The following BTC variants were observed in gnomAD, a reference collection of about 807,000 sequenced individuals.
The protein encoded by BTC is betacellulin.
A neutral mutation model predicts 18.1 loss-of-function variants in BTC; 13 were observed. The ratio of observed to expected loss-of-function variants is 0.72; its 90% CI spans 0.47 to 1.14. The LOEUF is 1.14. Among genes scored for constraint, BTC ranks in the 50% most tolerant of loss-of-function variants. The pLI is 0.00. For synonymous variants in BTC, 83 were observed against 79.4 expected (o/e 1.05, Z -0.24); for missense variants, 247 against 224.2 (o/e 1.10, Z -0.65).
intron 2 of BTC, among the ~76,000 whole-genome samples, chr4:74,762,329 C>T (rs1724782671): frequency 1.3e-5 from 2 of 152,178 alleles, no homozygotes; most frequent in Non-Finnish European, 2.9e-5. Context: ...ACTTTGTTTA[C>T]TGTGTGATCT....
At chr4:74,748,931 C>T (rs1553955781) in intron 4 of BTC, among the ~76,000 whole-genome samples, 1 of 152,202 alleles carries the variant, frequency 6.6e-6, no homozygotes, top group African/African-American at 2.4e-5. Flanking sequence ...CTTTGCCCAA[C>T]TGATTCTCTG....
chr4:74,752,685 C>T (rs879957958), intron 3 of BTC, among the ~76,000 whole-genome samples: 1 of 151,970 alleles, frequency 6.6e-6, no homozygotes, highest in African/African-American at 2.4e-5. Context: ...GGCCGGGAAT[C>T]ACTTTTAATT....
chr4:74,780,730 G>A (rs1268935904), intron 1 of BTC, among the ~76,000 whole-genome samples: 1 of 152,030 alleles, frequency 6.6e-6, no homozygotes, highest in East Asian at 1.9e-4. Context: ...CTGGGGCATA[G>A]GATTGGTGCT....
intron 1 of BTC, among the ~76,000 whole-genome samples, chr4:74,784,900 T>C (rs1020078902): frequency 6.6e-6 from 1 of 152,162 alleles, no homozygotes; most frequent in Non-Finnish European, 1.5e-5. Flanking sequence ...GGTTTTTGTA[T>C]CTCTGCCAGG....
chr4:74,766,284 T>C (rs1724901004), intron 2 of BTC, among the ~76,000 whole-genome samples: 1 of 152,080 alleles, frequency 6.6e-6, no homozygotes. Context: ...AAATTCTTTC[T>C]TCAATAATTA....
Position 74,766,809 on chromosome 4 carries a change from A to G in BTC, c.163+3249T>C, listed in dbSNP as rs1387556215. On this transcript the variant is annotated intron_variant, in intron 2 of 5. Transcript: ENST00000395743. The stretch of plus-strand genomic sequence containing the variant: ...TTAAACAAAGACATTATAAGAAAAG[A>G]AAACTACAGGGCAATGTCCTTAATT... 3.3e-5 allele frequency among the ~76,000 whole-genome samples: 5 copies of G among 152,096 alleles called. No individual in the cohort carries two copies. The East Asian group carries it at 9.6e-4, about 29-fold the overall frequency.
chr4:74,773,659 T>G (rs553631800), intron 1 of BTC, among the ~76,000 whole-genome samples: 29 of 151,382 alleles, frequency 1.9e-4, no homozygotes, highest in Non-Finnish European at 3.2e-4. Context: ...TTGCCCAGGA[T>G]AGAGGGCAGT....
intron 5 of BTC, among the ~76,000 whole-genome samples, chr4:74,747,022 G>A (rs1724309793): frequency 6.6e-6 from 1 of 152,208 alleles, no homozygotes; most frequent in South Asian, 2.1e-4. Context: ...AGCAGAAAGA[G>A]GGAAATAATC....
intron 1 of BTC, among the ~76,000 whole-genome samples, chr4:74,790,414 G>A (rs1359863467): frequency 6.6e-6 from 1 of 152,128 alleles, no homozygotes; most frequent in Non-Finnish European, 1.5e-5. Context: ...TAAGAGACTT[G>A]CCCGAAGTTT....
At chr4:74,767,556 C>A (rs1365972105) in intron 2 of BTC, among the ~76,000 whole-genome samples, 3 of 150,706 alleles carry the variant, frequency 2.0e-5, no homozygotes, top group South Asian at 4.2e-4. Flanking sequence ...TTTTTTTTTA[C>A]AGAAATGGAA....
chr4:74,755,742 A>G (rs1724578917), intron 3 of BTC, 117 bp downstream of exon 3: 1 of 946,278 alleles, frequency 1.1e-6, no homozygotes, highest in African/African-American at 1.6e-5. Flanking sequence ...GGGCAGGACC[A>G]GGCAGAACTG....
chr4:74,792,014 A>C (rs1725646910), intron 1 of BTC, among the ~76,000 whole-genome samples: 1 of 144,718 alleles, frequency 6.9e-6, no homozygotes. Context: ...CACAAACACT[A>C]GTGTCTCATG....
At chr4:74,784,415 T>C (rs1217248516) in intron 1 of BTC, among the ~76,000 whole-genome samples, 1 of 152,138 alleles carries the variant, frequency 6.6e-6, no homozygotes, top group Non-Finnish European at 1.5e-5. Context: ...CCTACTTACA[T>C]ACTCTTTATT....
chr4:74,755,643 G>A (rs1724576581), intron 3 of BTC, among the ~76,000 whole-genome samples: 1 of 152,192 alleles, frequency 6.6e-6, no homozygotes, highest in Non-Finnish European at 1.5e-5. Context: ...AAGTGGAGCT[G>A]GACTCTCACA....
intron 4 of BTC, among the ~76,000 whole-genome samples, chr4:74,748,772 A>T (rs1183233177): frequency 6.6e-6 from 1 of 152,238 alleles, no homozygotes; most frequent in Non-Finnish European, 1.5e-5. Context: ...AATTGGAAAC[A>T]GGCATAAGAA....
At chr4:74,752,120 C>T (rs1019592042) in intron 3 of BTC, among the ~76,000 whole-genome samples, 2 of 152,078 alleles carry the variant, frequency 1.3e-5, no homozygotes, top group East Asian at 1.9e-4. Context: ...TGAGACAGTG[C>T]TTCAAAACAA....
chr4:74,768,781 G>T (rs968707033), intron 2 of BTC, among the ~76,000 whole-genome samples: 1 of 152,148 alleles, frequency 6.6e-6, no homozygotes, highest in African/African-American at 2.4e-5. Context: ...ACACATTTAG[G>T]ATGATGATGA....
chr4:74,791,641 AG>A (rs1725632009), intron 1 of BTC, among the ~76,000 whole-genome samples: 1 of 152,192 alleles, frequency 6.6e-6, no homozygotes, highest in African/African-American at 2.4e-5. Context: ...AATTTCTCAA[AG>A]AAAGTAGTAC....
Position 74,787,477 on chromosome 4 carries a change from A to AT in BTC, c.64+6784dup, listed in dbSNP as rs542490167. Among the ~76,000 whole-genome samples, 564 of 152,154 alleles carry AT rather than the reference A, an allele frequency of 3.7e-3. 1 individual carries two copies. The Middle Eastern group carries it at 0.037, about 10-fold the overall frequency. On this transcript the variant is annotated intron_variant, in intron 1 of 5. Transcript: ENST00000395743. ...TTAGATATACAGTTGAAATACTAAG[A>AT]TTTTTTTTAAGATATAAATATATCT... is the stretch of plus-strand genomic sequence containing the variant.
Sources: allele counts gnomAD v4.1 joint callset (sites outside exome capture counted in the v4.1 genomes callset), GRCh38; gene constraint gnomAD v4.1.1; transcripts MANE v1.5; gene names NCBI Gene and HGNC (gene_info 2026-07-23, HGNC 2026-07-21).